NF1: variants seen among roughly 807,000 people sequenced by gnomAD.
NF1 encodes neurofibromin 1, also known as neurofibromin.
In NF1, 122 loss-of-function variants were observed where a neutral mutation model predicts 325.7. The observed-to-expected ratio is 0.37, with a 90% CI of 0.32 to 0.44. NF1 has a LOEUF of 0.44. NF1 is among the 20% of genes least tolerant of loss of function. The pLI is 1.00. For missense variants in NF1, 2,140 were observed against 3,415.4 expected, an observed-to-expected ratio of 0.63 and a Z score of 9.31; for synonymous variants, 1,091 against 1,186.0, an observed-to-expected ratio of 0.92 and a Z score of 1.65.
intron 36 of NF1, among the ~76,000 whole-genome samples, chr17:31,310,981 C>G (rs2151516778): frequency 6.8e-6 from 1 of 147,168 alleles, no homozygotes; most frequent in East Asian, 2.0e-4. Context: ...GGGTCTCACT[C>G]TGTCACCCGG....
chr17:31,285,392 C>A (rs4795591), intron 36 of NF1, among the ~76,000 whole-genome samples: 71,595 of 151,868 alleles, frequency 0.47, 20,776 homozygotes, highest in African/African-American at 0.82. Context: ...CACTTAGTTC[C>A]AACTTTGCTG....
chr17:31,119,926 G>A (rs984393058), intron 1 of NF1, among the ~76,000 whole-genome samples: 4 of 152,270 alleles, frequency 2.6e-5, no homozygotes, highest in African/African-American at 4.8e-5. Flanking sequence ...TTATAGATGT[G>A]TGGTGTTATT....
rs2151582315 is a variant in NF1 at position 31,357,013 on chromosome 17, G to T, written c.7792G>T (p.Val2598Leu). The change falls in exon 53 of 58, where the codon GTG (valine) becomes TTG (leucine). Residue 2598 changes from valine (V) to leucine (L), a missense_variant. Coordinates refer to ENST00000358273, the MANE Select transcript of NF1 (RefSeq NM_001042492.3). ...GCACCCACATTTACGTAAAGTTTCAGTGTCTGAATCAAATGTTCTCTTGGA... is the reference window on the plus strand; with the variant it reads ...GCACCCACATTTACGTAAAGTTTCATTGTCTGAATCAAATGTTCTCTTGGA... ...QQHPHLRKVS[V>L]SESNVLLDEE... The T allele has an allele frequency of 1.2e-6, 2 of 1,613,950 alleles. No homozygotes were observed. The highest frequency in any genetic ancestry group is 8.5e-7 in the Non-Finnish European group (1 of 1,179,944).
chr17:31,258,180 CTT>C (rs2067616436), intron 31 of NF1, among the ~76,000 whole-genome samples, 162 bp from the exon 32 acceptor site: 2 of 152,044 alleles, frequency 1.3e-5, no homozygotes, highest in Non-Finnish European at 2.9e-5. Context: ...TGAGAGGAAA[CTT>C]TATTTTCTCA....
chr17:31,251,762 AG>A (rs1227521698), intron 30 of NF1: 2 of 203,214 alleles, frequency 9.8e-6, no homozygotes, highest in Non-Finnish European at 2.0e-5. Flanking sequence ...CTGTGAGCTA[AG>A]GGGCTGTGTC....
rs578056086 is a variant in NF1, at chr17:31,132,567, C to G, written c.61-23416C>G. Among the ~76,000 whole-genome samples the G allele has an allele frequency of 1.1e-4, 17 of 152,192 alleles. No homozygotes were observed. In the East Asian group the frequency reaches 2.7e-3, roughly 24 times the overall value. ...AAAAATAAAAAGACTCATTTCTTAG[C>G]TTTTTAAACTTTGTTTTCTGTTTTG... On this transcript the variant is annotated intron_variant, in intron 1 of 57. Transcript: ENST00000358273.
intron 10 of NF1, 56 bp downstream of exon 10, chr17:31,201,215 A>G: frequency 3.1e-6 from 5 of 1,604,180 alleles, no homozygotes; most frequent in Non-Finnish European, 4.3e-6. Flanking sequence ...TCCTTTATAA[A>G]CAAAAAGACT....
At chr17:31,250,615 G>A in intron 30 of NF1, 3 of 195,592 alleles carry the variant, frequency 1.5e-5, no homozygotes, top group Non-Finnish European at 3.2e-5. Flanking sequence ...GTTGGAGACC[G>A]TTTTGAGACC....
intron 38 of NF1, 118 bp downstream of exon 38, chr17:31,327,957 T>C (rs1253144540): frequency 1.0e-6 from 1 of 955,570 alleles, no homozygotes; most frequent in Non-Finnish European, 1.6e-6. Flanking sequence ...AGGTATGCAG[T>C]GTTGGTTAAC....
intron 56 of NF1, chr17:31,359,329 A>G (rs1032102600): frequency 5.7e-6 from 2 of 353,334 alleles, no homozygotes; most frequent in East Asian, 5.8e-5. Context: ...ACACAGTTAG[A>G]TATCTTATGA....
chr17:31,098,487 C>T (rs1008822548), intron 1 of NF1, among the ~76,000 whole-genome samples: 1 of 152,100 alleles, frequency 6.6e-6, no homozygotes, highest in Non-Finnish European at 1.5e-5. Flanking sequence ...GCCTCAGCCT[C>T]CCAAGTGGCT....
At chr17:31,166,791 G>A (rs140265537) in intron 4 of NF1, among the ~76,000 whole-genome samples, 14 of 152,164 alleles carry the variant, frequency 9.2e-5, no homozygotes, top group East Asian at 5.8e-4. Flanking sequence ...GGTACAAGGC[G>A]TTTATATCCA....
chr17:31,209,864 CT>C (rs1345187455), intron 12 of NF1, among the ~76,000 whole-genome samples: 1 of 152,080 alleles, frequency 6.6e-6, no homozygotes, highest in Non-Finnish European at 1.5e-5. Context: ...GGGCAGGCTA[CT>C]CTTGAACTGT....
chr17:31,265,132 T>C, intron 35 of NF1, 97 bp from the exon 36 acceptor site: 1 of 886,142 alleles, frequency 1.1e-6, no homozygotes, highest in East Asian at 2.8e-5. Context: ...AAATATTTTT[T>C]CATTTTAGTA....
rs115376181 is a variant in NF1, at chr17:31,197,987, C to T, written c.889-2435C>T. On this transcript the variant is annotated intron_variant, in intron 8 of 57. Transcript: ENST00000358273. ...TGAGGAAATTTCCTTCTATTCCTAG[C>T]TTGAGTGTTTTTTTATCATAACAGG... 2.2e-3 allele frequency among the ~76,000 whole-genome samples: 328 copies of T among 152,208 alleles called. 1 individual carries two copies. The highest frequency in any genetic ancestry group is 7.4e-3 in the African/African-American group (308 of 41,530).
At chr17:31,108,738 AGCTGT>A (rs1913123079) in intron 1 of NF1, among the ~76,000 whole-genome samples, 1 of 152,136 alleles carries the variant, frequency 6.6e-6, no homozygotes, top group African/African-American at 2.4e-5. Context: ...TGACTTTAAG[AGCTGT>A]GTAATATAAA....
chr17:31,343,415 C>T (rs968887730), intron 48 of NF1, among the ~76,000 whole-genome samples: 4 of 151,922 alleles, frequency 2.6e-5, no homozygotes, highest in African/African-American at 9.7e-5. Context: ...CATGGTGGCA[C>T]GTGCTTGTAG....
chr17:31,166,268 T>A (rs1347029316), intron 4 of NF1, among the ~76,000 whole-genome samples: 3 of 152,218 alleles, frequency 2.0e-5, no homozygotes, highest in African/African-American at 4.8e-5. Context: ...ACTCTTTTTT[T>A]AAAAATAGTT....
chr17:31,302,899 A>T (rs965768565), intron 36 of NF1, among the ~76,000 whole-genome samples: 2 of 152,180 alleles, frequency 1.3e-5, no homozygotes, highest in Non-Finnish European at 2.9e-5. Context: ...AATGAGGAAG[A>T]CAAAAGATGT....
Sources: gnomAD v4.1 joint callset for allele counts (sites outside exome capture counted in the v4.1 genomes callset) on GRCh38, gnomAD v4.1.1 for gene constraint, MANE v1.5 for transcripts, NCBI Gene and HGNC (gene_info 2026-07-23, HGNC 2026-07-21) for gene names.